The following NIPBL variants were observed in gnomAD, a reference collection of about 807,000 sequenced individuals.
NIPBL encodes the protein nipped-B-like protein.
In NIPBL, 19 loss-of-function variants were observed where a neutral mutation model predicts 321.8. That is an observed-to-expected ratio of 0.06 (90% CI 0.04 to 0.09). The LOEUF is 0.09. Ranked by LOEUF, NIPBL falls within the 10% of genes least tolerant of loss-of-function variation. NIPBL has a pLI of 1.00. For synonymous variants in NIPBL, 1,106 were observed against 1,114.1 expected (o/e 0.99, Z 0.14); for missense variants, 2,210 against 3,327.0 (o/e 0.66, Z 8.26).
chr5:37,045,370 C>T (rs1033539005), intron 36 of NIPBL, 73 bp from the exon 37 acceptor site: 2 of 1,202,152 alleles, frequency 1.7e-6, no homozygotes, highest in African/African-American at 3.1e-5. Flanking sequence ...AATTGTAATT[C>T]ATTAGTAGTA....
Position 37,008,654 on chromosome 5 carries a change from T to C in NIPBL, c.4352T>C (p.Leu1451Ser), listed in dbSNP as rs201882678. 1 of 1,593,860 alleles carries C rather than the reference T, an allele frequency of 6.3e-7. No individual in the cohort carries two copies. The highest frequency in any genetic ancestry group is 8.6e-7 in the Non-Finnish European group (1 of 1,161,668). Residue 1451 changes from leucine to serine, a missense_variant, in exon 20 of 47, where the codon TTA (leucine) becomes TCA (serine). Around this residue, in one of 14 missense-constraint regions of NIPBL, gnomAD observed 381 missense variants for 642.3 expected, o/e 0.59. Coordinates refer to ENST00000282516, the MANE Select transcript of NIPBL (RefSeq NM_133433.4). ...TCAAGATATGAAAAACATAGGCAGTTAATTTTGGAAGAAATTTTTACTTCA... is the reference window on the plus strand; with the variant it reads ...TCAAGATATGAAAAACATAGGCAGTCAATTTTGGAAGAAATTTTTACTTCA... ...VFSRYEKHRQ[L>S]ILEEIFTSLA...
intron 1 of NIPBL, among the ~76,000 whole-genome samples, chr5:36,915,899 G>A (rs1201980982): frequency 6.6e-6 from 1 of 152,106 alleles, no homozygotes; most frequent in Non-Finnish European, 1.5e-5. Flanking sequence ...CCAGCTGTTA[G>A]CTTATAAGTC....
In NIPBL at chr5:37,065,963, G is replaced by A. The variant is rs1314605148; in HGVS notation, c.*1071G>A. The A allele has an allele frequency of 6.6e-6, 1 of 152,352 alleles. No individual in the cohort carries two copies. The highest frequency in any genetic ancestry group is 6.5e-5 in the Admixed American group (1 of 15,280). 9.4% of individuals were successfully genotyped at this position (152,352 alleles called of 1,614,324 possible). A position where few individuals can be genotyped will look rare whatever the true frequency, so the allele number is the denominator to read the frequency against. Reference sequence around the variant, plus strand: ...GTCCGGTTATTTTAGAACTAGAGTTGAGATGAATATGACACTTCATAATTA... The same window carrying A: ...GTCCGGTTATTTTAGAACTAGAGTTAAGATGAATATGACACTTCATAATTA... On this transcript the variant is annotated 3_prime_UTR_variant, in exon 47 of 47. Transcript: ENST00000282516.
At chr5:37,010,909 C>G (rs1268269367) in intron 21 of NIPBL, among the ~76,000 whole-genome samples, 1 of 152,064 alleles carries the variant, frequency 6.6e-6, no homozygotes, top group African/African-American at 2.4e-5. Context: ...CGGAAATGCT[C>G]TAAAATCTGA....
At chr5:36,939,664 G>A (rs1380499197) in intron 1 of NIPBL, among the ~76,000 whole-genome samples, 1 of 152,268 alleles carries the variant, frequency 6.6e-6, no homozygotes, top group East Asian at 1.9e-4. Context: ...ATTTCTTATA[G>A]TTCTGGAGTC....
intron 38 of NIPBL, among the ~76,000 whole-genome samples, chr5:37,047,239 C>T (rs1579566427): frequency 6.6e-6 from 1 of 152,096 alleles, no homozygotes. Flanking sequence ...AATGACTGTA[C>T]ACGTAAAGCT....
intron 2 of NIPBL, 146 bp from the exon 3 acceptor site, chr5:36,955,326 G>A: frequency 2.9e-6 from 2 of 691,590 alleles, no homozygotes; most frequent in Non-Finnish European, 5.1e-6. Flanking sequence ...AGGGTTGATT[G>A]AGGTTTGTTA....
intron 3 of NIPBL, among the ~76,000 whole-genome samples, chr5:36,957,781 G>C (rs528704795): frequency 3.3e-5 from 5 of 152,198 alleles, no homozygotes; most frequent in African/African-American, 9.6e-5. Flanking sequence ...TCAGGAGTTA[G>C]AGACCAGCCT....
chr5:36,938,685 A>T (rs993643191), intron 1 of NIPBL, among the ~76,000 whole-genome samples: 1 of 152,154 alleles, frequency 6.6e-6, no homozygotes, highest in African/African-American at 2.4e-5. Context: ...GTTTTTTAAA[A>T]TTTTTAATTT....
intron 14 of NIPBL, among the ~76,000 whole-genome samples, chr5:37,001,996 T>C (rs564579638): frequency 1.3e-5 from 2 of 152,268 alleles, no homozygotes; most frequent in East Asian, 3.9e-4. Flanking sequence ...GTCTTCTGTA[T>C]CATTTAGGGT....
chr5:37,059,239 G>T (rs1419863059), intron 44 of NIPBL, 74 bp downstream of exon 44: 1 of 1,517,348 alleles, frequency 6.6e-7, no homozygotes, highest in South Asian at 1.1e-5. Flanking sequence ...GGGTGTGGTG[G>T]CTCATGCCTG....
At chr5:36,922,251 A>G (rs910020226) in intron 1 of NIPBL, among the ~76,000 whole-genome samples, 2 of 151,690 alleles carry the variant, frequency 1.3e-5, no homozygotes, top group Admixed American at 6.6e-5. Flanking sequence ...CCACCTCCTT[A>G]TTTTTTGTAT....
At chr5:36,892,265 G>C (rs918841969) in intron 1 of NIPBL, among the ~76,000 whole-genome samples, 2 of 152,106 alleles carry the variant, frequency 1.3e-5, no homozygotes, top group African/African-American at 2.4e-5. Context: ...TTAGAATGGC[G>C]ATCATTAAAA....
chr5:36,966,078 G>A (rs1742170242), intron 6 of NIPBL, among the ~76,000 whole-genome samples: 2 of 152,014 alleles, frequency 1.3e-5, no homozygotes, highest in African/African-American at 4.8e-5. Flanking sequence ...CAGTTCTGTG[G>A]TATCATCTAA....
At chr5:36,962,409 A>T in intron 6 of NIPBL, 135 bp downstream of exon 6, 1 of 932,892 alleles carries the variant, frequency 1.1e-6, no homozygotes, top group African/African-American at 1.6e-5. Context: ...CTTTTTAAAG[A>T]TATGGCTTAA....
At chr5:36,997,090 A>G (rs1035900233) in intron 11 of NIPBL, 1 of 152,146 alleles carries the variant, frequency 6.6e-6, no homozygotes, top group African/African-American at 2.4e-5. Flanking sequence ...AATTTTTTTT[A>G]TTACAATCAG....
chr5:37,014,876 T>G (rs970716222), intron 22 of NIPBL, 111 bp downstream of exon 22: 1 of 708,686 alleles, frequency 1.4e-6, no homozygotes, highest in Admixed American at 2.2e-5. Context: ...CTTGAATACA[T>G]CTTCCTGACA....
Position 36,985,355 on chromosome 5 carries a change from A to G in NIPBL, c.2175A>G (p.Pro725=), listed in dbSNP as rs751211535. ...AGAGTGATGGGCATCCTGAAACCCCAAAACAGAAGGGTGATGGAAGGCCTG... is the reference window on the plus strand; with the variant it reads ...AGAGTGATGGGCATCCTGAAACCCCGAAACAGAAGGGTGATGGAAGGCCTG... ...KQKSDGHPET[P]KQKGDGRPET... is the part of the protein sequence containing the mutation. The change falls in exon 10 of 47, where the codon CCA becomes CCG. Residue 725 remains proline, a synonymous_variant. Transcript: ENST00000282516. 5.6e-6 allele frequency: 9 copies of G among 1,613,648 alleles called. No individual in the cohort carries two copies. Among genetic ancestry groups the G allele is most frequent in the East Asian group, 2.2e-5 (1 of 44,886 alleles).
chr5:37,060,265 C>T (rs1297815735), intron 44 of NIPBL, among the ~76,000 whole-genome samples: 2 of 152,190 alleles, frequency 1.3e-5, no homozygotes, highest in African/African-American at 4.8e-5. Context: ...CTCAAGTAAT[C>T]CTCCTACTTC....
Sources: allele counts gnomAD v4.1 joint callset (sites outside exome capture counted in the v4.1 genomes callset), GRCh38; gene constraint gnomAD v4.1.1; regional missense constraint gnomAD v4.1.1; transcripts MANE v1.5; gene names NCBI Gene and HGNC (gene_info 2026-07-23, HGNC 2026-07-21).